Variants in ADARB1 observed in about 807,000 individuals in gnomAD.
ADARB1 encodes adenosine deaminase RNA specific B1, also known as double-stranded RNA-specific editase 1.
ADARB1 carries 10 observed loss-of-function variants against 52.4 expected under a neutral mutation model. The ratio of observed to expected loss-of-function variants is 0.19; its 90% CI spans 0.12 to 0.32. The LOEUF is 0.32. Ranked by LOEUF, ADARB1 falls within the 10% of genes least tolerant of loss-of-function variation. ADARB1 has a pLI of 1.00. For missense variants in ADARB1, 643 were observed against 922.3 expected (o/e 0.70, Z 3.92); for synonymous variants, 349 against 371.1 (o/e 0.94, Z 0.68).
chr21:45,181,261 G>A (rs1445612740), intron 5 of ADARB1, among the ~76,000 whole-genome samples: 1 of 152,160 alleles, frequency 6.6e-6, no homozygotes, highest in East Asian at 1.9e-4. Flanking sequence ...CTTTCCCCCT[G>A]AGGGGTCACC....
At chr21:45,134,515 G>A (rs550423606) in intron 2 of ADARB1, among the ~76,000 whole-genome samples, 7 of 148,618 alleles carry the variant, frequency 4.7e-5, no homozygotes, top group East Asian at 2.0e-4. Flanking sequence ...TGTGCCTGAC[G>A]TGTGTGTGTG....
chr21:45,115,576 A>G (rs1333402038), intron 1 of ADARB1, among the ~76,000 whole-genome samples: 1 of 152,256 alleles, frequency 6.6e-6, no homozygotes, highest in Non-Finnish European at 1.5e-5. Flanking sequence ...TTTTGACTTC[A>G]GCATAATCTC....
rs1406056828 is a variant in ADARB1 at position 45,176,635 on chromosome 21, A to G, written c.934A>G (p.Ser312Gly). 4 of 1,612,304 alleles carry G rather than the reference A, an allele frequency of 2.5e-6. No homozygotes were observed. The Admixed American group carries it at 5.0e-5, about 20-fold the overall frequency. Residue 312 changes from serine (S) to glycine (G), a missense_variant, in exon 4 of 11, where the codon AGT becomes GGT. Coordinates refer to ENST00000348831, the MANE Select transcript of ADARB1 (RefSeq NM_001112.4). The surrounding 1 kb of genome is among the most constrained non-coding windows in gnomAD (Gnocchi z 5.8). ...DQTPSRQPIP[S>G]EGLQLHLPQV... Reference sequence around the variant, plus strand: ...GACGCCATCTCGCCAGCCTATTCCCAGTGAGGGTCTTCAGCTGCATTTACC... The same window carrying G: ...GACGCCATCTCGCCAGCCTATTCCCGGTGAGGGTCTTCAGCTGCATTTACC...
At chr21:45,210,513 A>C (rs1305152651) in intron 9 of ADARB1, among the ~76,000 whole-genome samples, 1 of 152,156 alleles carries the variant, frequency 6.6e-6, no homozygotes. Context: ...TAATAGTTAC[A>C]CTTCACTGAC....
chr21:45,118,366 A>G (rs1314861856), intron 1 of ADARB1, among the ~76,000 whole-genome samples: 2 of 152,218 alleles, frequency 1.3e-5, no homozygotes, highest in African/African-American at 2.4e-5. Flanking sequence ...ACTTCCTTAT[A>G]GAATGGATGG....
chr21:45,205,195 A>G (rs964197739), intron 9 of ADARB1, among the ~76,000 whole-genome samples: 12 of 152,170 alleles, frequency 7.9e-5, no homozygotes, highest in Admixed American at 1.3e-4. Flanking sequence ...CAGGAGGTCA[A>G]GGTTGCAGTA....
chr21:45,109,970 T>A (rs1046438353), intron 1 of ADARB1, among the ~76,000 whole-genome samples: 2 of 152,200 alleles, frequency 1.3e-5, no homozygotes, highest in African/African-American at 2.4e-5. Context: ...CTGCCTCTAG[T>A]CACGCTTCAG....
rs1418765387 is a variant in ADARB1 at position 45,074,787 on chromosome 21, G to C, written c.-226G>C. The C allele has an allele frequency of 6.8e-6, 1 of 147,278 alleles. No individual in the cohort carries two copies. Among genetic ancestry groups the C allele is most frequent in the Non-Finnish European group, 1.5e-5 (1 of 65,978 alleles). The allele number at this position is 147,278 out of a possible 1,614,324, so 9.1% of individuals were successfully genotyped here. A position where few individuals can be genotyped will look rare whatever the true frequency, so the allele number is the denominator to read the frequency against. ...GGAGGACCAGGCGCGGCGCGGCTGC[G>C]GCTGAGGTGAGGGCGGCGCGGGGCC... On this transcript the variant is annotated 5_prime_UTR_variant, in exon 1 of 11. Transcript: ENST00000348831.
intron 7 of ADARB1, chr21:45,184,518 G>T: frequency 3.0e-6 from 1 of 336,736 alleles, no homozygotes; most frequent in Non-Finnish European, 5.9e-6. Context: ...GTGCAATCAT[G>T]GCTCACTGCA....
In ADARB1 at chr21:45,182,587, A is replaced by G; in HGVS notation, c.1081A>G (p.Thr361Ala). Residue 361 changes from threonine to alanine, a missense_variant and splice_region_variant, in exon 6 of 11, where the codon ACA becomes GCA. Transcript: ENST00000348831. Reference sequence around the variant, plus strand: ...GTGTCTCTTTTTTTTTTTTTCAGGCACAGATGTTAAAGATGCCAAGGTGAT... The same window carrying G: ...GTGTCTCTTTTTTTTTTTTTCAGGCGCAGATGTTAAAGATGCCAAGGTGAT... ...VLAGVVMTTG[T>A]DVKDAKVISV... 2 of 1,583,064 alleles carry G rather than the reference A, an allele frequency of 1.3e-6. No homozygotes were observed. Among genetic ancestry groups the G allele is most frequent in the Non-Finnish European group, 1.7e-6 (2 of 1,171,220 alleles).
intron 4 of ADARB1, among the ~76,000 whole-genome samples, chr21:45,179,912 G>A (rs2091862183): frequency 6.6e-6 from 1 of 152,082 alleles, no homozygotes; most frequent in African/African-American, 2.4e-5. Flanking sequence ...GCCACACCGT[G>A]TGTGCATGTG....
At chr21:45,136,402 ACAC>A (rs2089375098) in intron 2 of ADARB1, among the ~76,000 whole-genome samples, 1 of 152,220 alleles carries the variant, frequency 6.6e-6, no homozygotes, top group South Asian at 2.1e-4. Flanking sequence ...AACTACAGAT[ACAC>A]CAGATTTAGG....
At chr21:45,213,634 A>G (rs979189404) in intron 9 of ADARB1, among the ~76,000 whole-genome samples, 1 of 152,154 alleles carries the variant, frequency 6.6e-6, no homozygotes, top group Non-Finnish European at 1.5e-5. Flanking sequence ...ATTTTACATA[A>G]ATGTCATCAT....
chr21:45,206,932 C>T (rs1179641833), intron 9 of ADARB1, among the ~76,000 whole-genome samples: 3 of 152,172 alleles, frequency 2.0e-5, no homozygotes, highest in Non-Finnish European at 2.9e-5. Flanking sequence ...CCCTGGTCCC[C>T]GCTGCAGGGG....
intron 2 of ADARB1, among the ~76,000 whole-genome samples, chr21:45,155,075 T>C (rs776897556): frequency 3.9e-5 from 6 of 152,248 alleles, no homozygotes; most frequent in Non-Finnish European, 7.3e-5. Flanking sequence ...GAGTGTTTTG[T>C]TTGTCCCCTA....
At chr21:45,082,251 A>G (rs1489298639) in intron 1 of ADARB1, among the ~76,000 whole-genome samples, 1 of 152,190 alleles carries the variant, frequency 6.6e-6, no homozygotes, top group African/African-American at 2.4e-5. Flanking sequence ...GTTTGTATAG[A>G]TACCTCTCAA....
chr21:45,183,603 T>G, intron 7 of ADARB1, 93 bp downstream of exon 7: 2 of 1,412,694 alleles, frequency 1.4e-6, no homozygotes, highest in Non-Finnish European at 1.9e-6. Context: ...CCTTTTTTTC[T>G]TTTTATTTTT....
In ADARB1 at chr21:45,180,357, G is replaced by A. The variant is rs1299225551; in HGVS notation, c.991G>A (p.Val331Ile). 1.2e-6 allele frequency: 2 copies of A among 1,614,126 alleles called. No individual in the cohort carries two copies. The highest frequency in any genetic ancestry group is 2.2e-5 in the East Asian group (1 of 44,868). The change falls in exon 5 of 11, where the codon GTC becomes ATC. Residue 331 changes from valine to isoleucine, a missense_variant. Physicochemically the swap from Val to Ile is conservative, Grantham distance 29. Around this residue, in one of 2 missense-constraint regions of ADARB1, gnomAD observed 380 missense variants for 446.5 expected, o/e 0.85. Coordinates refer to ENST00000348831, the MANE Select transcript of ADARB1 (RefSeq NM_001112.4). Reference protein sequence around the residue: ...QVLADAVSRLVLGKFGDLTDN... With the variant: ...QVLADAVSRLILGKFGDLTDN... Reference sequence around the variant, plus strand: ...TTTAGCTGACGCTGTCTCACGCCTGGTCCTGGGTAAGTTTGGTGACCTGAC... The same window carrying A: ...TTTAGCTGACGCTGTCTCACGCCTGATCCTGGGTAAGTTTGGTGACCTGAC...
In ADARB1 at chr21:45,167,814, T is replaced by C. The variant is rs538476198; in HGVS notation, c.-47-3796T>C. ...ATGTAGTTGTAAGAAGTAATACTTA[T>C]ATGAACGTAAGCCTTCATTTCTCTG... On this transcript the variant is annotated intron_variant, in intron 2 of 10. Coordinates refer to ENST00000348831, the MANE Select transcript of ADARB1 (RefSeq NM_001112.4). 1.1e-4 allele frequency among the ~76,000 whole-genome samples: 16 copies of C among 152,354 alleles called. No homozygotes were observed. In the East Asian group the frequency reaches 1.3e-3, roughly 13 times the overall value.
Sources: gnomAD v4.1 joint callset for allele counts (sites outside exome capture counted in the v4.1 genomes callset) on GRCh38, gnomAD v4.1.1 for gene constraint, gnomAD v4.1.1 regional missense constraint, Gnocchi (gnomAD v3.1) non-coding constraint, MANE v1.5 for transcripts, NCBI Gene and HGNC (gene_info 2026-07-23, HGNC 2026-07-21) for gene names.